Variants in GPR149 observed in about 807,000 individuals in gnomAD.
The protein encoded by GPR149 is probable G protein-coupled receptor 149.
A neutral mutation model predicts 50.2 loss-of-function variants in GPR149; 50 were observed. The ratio of observed to expected loss-of-function variants is 1.00; its 90% confidence interval spans 0.79 to 1.26. The LOEUF is 1.26. Ranked by LOEUF, GPR149 falls within the 50% of genes most tolerant of loss-of-function variation. The pLI is 0.00. For missense variants in GPR149, 983 were observed against 895.4 expected (o/e 1.10, Z -1.25); for synonymous variants, 405 against 358.2 (o/e 1.13, Z -1.48).
chr3:154,421,517 G>T (rs773140305), intron 2 of GPR149, 30 bp from the exon 3 acceptor site: 4 of 1,231,646 alleles, frequency 3.2e-6, no homozygotes, highest in South Asian at 1.5e-5. Flanking sequence ...ACAGTTTATG[G>T]CTAGTAAGGT....
intron 3 of GPR149, among the ~76,000 whole-genome samples, chr3:154,404,250 T>A (rs1711616962): frequency 6.6e-6 from 1 of 152,224 alleles, no homozygotes; most frequent in Admixed American, 6.5e-5. Flanking sequence ...GGTCACTCAC[T>A]GTTATTTTAA....
At chr3:154,384,252 C>T (rs1473859821) in intron 3 of GPR149, among the ~76,000 whole-genome samples, 1 of 152,186 alleles carries the variant, frequency 6.6e-6, no homozygotes, top group Non-Finnish European at 1.5e-5. Flanking sequence ...AACTCACTTT[C>T]TCATAGCTTC....
chr3:154,421,977 A>G (rs1314898304), intron 2 of GPR149, among the ~76,000 whole-genome samples: 1 of 151,774 alleles, frequency 6.6e-6, no homozygotes, highest in Non-Finnish European at 1.5e-5. Context: ...ATATTTTGGT[A>G]TATAATTTTT....
Position 154,421,362 on chromosome 3 carries a change from C to T in GPR149, c.1300G>A (p.Glu434Lys), listed in dbSNP as rs1482440946. 3.1e-6 allele frequency: 5 copies of T among 1,613,070 alleles called. No individual in the cohort carries two copies. In the East Asian group the frequency reaches 1.1e-4, roughly 36 times the overall value. Residue 434 changes from glutamate to lysine, a missense_variant, in exon 3 of 4, where the codon GAG (glutamate) becomes AAG (lysine). By Grantham distance (56) the Glu-to-Lys change is moderately conservative. Transcript: ENST00000389740. The stretch of plus-strand genomic sequence containing the variant: ...TGAGGGTCTTTTGTAGTTTCACACT[C>T]AGAGTTCATCAGGTTGTGATAGAAT... ...SIFYHNLMNS[E>K]CETTKDPQRD... is the part of the protein sequence containing the mutation.
intron 3 of GPR149, among the ~76,000 whole-genome samples, chr3:154,343,387 A>C (rs1713850021): frequency 6.6e-6 from 1 of 152,124 alleles, no homozygotes; most frequent in Admixed American, 6.5e-5. Context: ...CTTTTGATCA[A>C]GGAAGTTTAT....
rs1397641635 is a variant in GPR149, at chr3:154,409,934, T to C, written c.1623+11105A>G. ...ATCTCCTAGGAACATAGTCATCAGGTTACCGAAAGTCAAGATAAAGGAAAT... is the reference window on the plus strand; with the variant it reads ...ATCTCCTAGGAACATAGTCATCAGGCTACCGAAAGTCAAGATAAAGGAAAT... On this transcript the variant is annotated intron_variant, in intron 3 of 3. Coordinates refer to ENST00000389740, the MANE Select transcript of GPR149 (RefSeq NM_001038705.3). Among the ~76,000 whole-genome samples, 5 of 152,102 alleles carry C rather than the reference T, an allele frequency of 3.3e-5. No homozygotes were observed. The East Asian group carries it at 7.7e-4, about 23-fold the overall frequency.
chr3:154,421,222 T>C lies in GPR149; in HGVS notation c.1440A>G (p.Glu480=). 1 of 1,613,622 alleles carries C rather than the reference T, an allele frequency of 6.2e-7. No homozygotes were observed. The highest frequency in any genetic ancestry group is 8.5e-7 in the Non-Finnish European group (1 of 1,179,646). Residue 480 remains glutamate (E), a synonymous_variant, in exon 3 of 4, where the codon GAA becomes GAG. Coordinates refer to ENST00000389740, the MANE Select transcript of GPR149 (RefSeq NM_001038705.3). ...INKCTNTDIT[E]AKQDSNNKKD... Reference sequence around the variant, plus strand: ...TTTTGTTGTTGGAATCCTGTTTAGCTTCTGTAATATCAGTATTTGTGCATT... The same window carrying C: ...TTTTGTTGTTGGAATCCTGTTTAGCCTCTGTAATATCAGTATTTGTGCATT...
At chr3:154,374,596 T>C (rs549876292) in intron 3 of GPR149, among the ~76,000 whole-genome samples, 4 of 152,230 alleles carry the variant, frequency 2.6e-5, no homozygotes, top group South Asian at 4.2e-4. Flanking sequence ...TTAGTCAAAA[T>C]GCATAAAAAT....
At chr3:154,365,658 C>G (rs1196344114) in intron 3 of GPR149, among the ~76,000 whole-genome samples, 1 of 152,170 alleles carries the variant, frequency 6.6e-6, no homozygotes, top group Non-Finnish European at 1.5e-5. Context: ...ATTTCTTCCA[C>G]CAAATGTCTT....
chr3:154,355,786 GA>G (rs1040579989), intron 3 of GPR149, among the ~76,000 whole-genome samples: 2 of 151,974 alleles, frequency 1.3e-5, no homozygotes, highest in African/African-American at 4.8e-5. Context: ...ATGTTTGCAA[GA>G]AAAAAATTTC....
At chr3:154,382,849 C>G (rs756007328) in intron 3 of GPR149, among the ~76,000 whole-genome samples, 5 of 152,144 alleles carry the variant, frequency 3.3e-5, no homozygotes, top group Non-Finnish European at 7.3e-5. Context: ...TGTTGGCACA[C>G]TAGAAAATTT....
intron 2 of GPR149, among the ~76,000 whole-genome samples, chr3:154,422,164 G>A (rs1398619462): frequency 6.6e-6 from 1 of 151,522 alleles, no homozygotes; most frequent in African/African-American, 2.4e-5. Flanking sequence ...TGTCTATAAA[G>A]CTGATTATTA....
At position 154,335,417 on chromosome 3, in the gene GPR149, T is replaced by C. The variant is rs1351801979; in HGVS notation, c.*2282A>G. On this transcript the variant is annotated 3_prime_UTR_variant, in exon 4 of 4. Coordinates refer to ENST00000389740, the MANE Select transcript of GPR149 (RefSeq NM_001038705.3). ...CATTCATGCTTAGGCACAGCTCTAG[T>C]AGATTTTTCTTGTATATTCAGCTAT... The C allele has an allele frequency of 6.6e-6, 1 of 152,142 alleles. No individual in the cohort carries two copies. The highest frequency in any genetic ancestry group is 1.5e-5 in the Non-Finnish European group (1 of 67,982). 9.4% of individuals were successfully genotyped at this position (152,142 alleles called of 1,614,324 possible). A position where few individuals can be genotyped will look rare whatever the true frequency, so the allele number is the denominator to read the frequency against.
chr3:154,380,588 A>G (rs1714898783), intron 3 of GPR149, among the ~76,000 whole-genome samples: 1 of 152,204 alleles, frequency 6.6e-6, no homozygotes, highest in South Asian at 2.1e-4. Context: ...ATTAGAGGCA[A>G]GAGTCACTGT....
At chr3:154,365,855 G>A (rs1714520203) in intron 3 of GPR149, among the ~76,000 whole-genome samples, 1 of 152,036 alleles carries the variant, frequency 6.6e-6, no homozygotes, top group South Asian at 2.1e-4. Flanking sequence ...GTCTGTTCAT[G>A]ACCACTTAGA....
intron 3 of GPR149, among the ~76,000 whole-genome samples, chr3:154,387,048 C>A (rs756242052): frequency 4.6e-5 from 7 of 152,000 alleles, no homozygotes; most frequent in Non-Finnish European, 8.8e-5. Flanking sequence ...ACATTTAAAA[C>A]CATTAACTGA....
chr3:154,353,202 A>G (rs1714127635), intron 3 of GPR149: 1 of 1,532,848 alleles, frequency 6.5e-7, no homozygotes, highest in South Asian at 1.1e-5. Flanking sequence ...GACATCTCCA[A>G]TAACTGCTGG....
In GPR149 at chr3:154,337,822, G is replaced by A. The variant is rs761628711; in HGVS notation, c.2073C>T (p.Asp691=). ...TGTTCTGCCTGTGTGCTTCTACTGTGTCTGGAATGGAGATATTAATATCAC... is the reference window on the plus strand; with the variant it reads ...TGTTCTGCCTGTGTGCTTCTACTGTATCTGGAATGGAGATATTAATATCAC... ...PDGDINISIP[D]TVEAHRQNSK... Residue 691 remains aspartate (D), a synonymous_variant, in exon 4 of 4, where the codon GAC becomes GAT. Transcript: ENST00000389740. The A allele has an allele frequency of 2.5e-6, 4 of 1,613,946 alleles. No homozygotes were observed. Among genetic ancestry groups the A allele is most frequent in the African/African-American group, 1.3e-5 (1 of 74,900 alleles).
rs533364069 is a variant in GPR149, at chr3:154,360,739, T to G, written c.1624-22468A>C. 4.6e-5 allele frequency among the ~76,000 whole-genome samples: 7 copies of G among 152,320 alleles called. No individual in the cohort carries two copies. The South Asian group carries it at 1.5e-3, about 32-fold the overall frequency. On this transcript the variant is annotated intron_variant, in intron 3 of 3. Coordinates refer to ENST00000389740, the MANE Select transcript of GPR149 (RefSeq NM_001038705.3). ...CCATCCAAACATCCATTCATTATTCTCTCTGCATATGTGCATAGAGACCTA... is the reference window on the plus strand; with the variant it reads ...CCATCCAAACATCCATTCATTATTCGCTCTGCATATGTGCATAGAGACCTA...
Sources: allele counts gnomAD v4.1 joint callset (sites outside exome capture counted in the v4.1 genomes callset), GRCh38; gene constraint gnomAD v4.1.1; transcripts MANE v1.5; gene names NCBI Gene and HGNC (gene_info 2026-07-23, HGNC 2026-07-21).